PLCB1: variants seen among roughly 807,000 people sequenced by gnomAD.
PLCB1 encodes phospholipase C beta 1.
A neutral mutation model predicts 161.8 loss-of-function variants in PLCB1; 46 were observed. That is an observed-to-expected ratio of 0.28 (90% CI 0.22 to 0.36). The LOEUF (loss-of-function observed/expected upper bound fraction) is 0.36. Ranked by LOEUF, PLCB1 falls within the 10% of genes least tolerant of loss-of-function variation. The pLI is 1.00. For missense variants in PLCB1, 1,016 were observed against 1,472.5 expected (o/e 0.69, Z 5.07); for synonymous variants, 517 against 503.7 (o/e 1.03, Z -0.35).
chr20:8,539,622 T>TTCTTTCTTTCTTTCCC (rs1361520276), intron 3 of PLCB1, among the ~76,000 whole-genome samples: 4 of 67,698 alleles, frequency 5.9e-5, no homozygotes, highest in African/African-American at 3.2e-4. Flanking sequence ...TTTATTTTCT[T>TTCTTTCTTTCTTTCCC]TCTTTCTTTC....
chr20:8,717,918 T>C lies in PLCB1; in HGVS notation c.1513+70T>C, dbSNP rs6039243. 939,406 of 1,420,082 alleles carry C rather than the reference T, an allele frequency of 0.66. 312,323 individuals are homozygous for C. The highest frequency in any genetic ancestry group is 0.72 in the South Asian group (50,244 of 69,756). 88.0% of individuals were successfully genotyped at this position (1,420,082 alleles called of 1,614,324 possible). On this transcript the variant is annotated intron_variant, in intron 14 of 31. Coordinates refer to ENST00000338037, the MANE Select transcript of PLCB1 (RefSeq NM_015192.4). ...AAGAATTGCTGCTCTGGGCTGTGCG[T>C]GGTGGCTCATGCCTGTAATACTACT...
intron 3 of PLCB1, among the ~76,000 whole-genome samples, chr20:8,612,016 T>C (rs1039568681): frequency 1.3e-5 from 2 of 152,128 alleles, no homozygotes; most frequent in Non-Finnish European, 2.9e-5. Flanking sequence ...CCAACTAGCT[T>C]TTAAGGAAGT....
chr20:8,343,621 G>T (rs1368495677), intron 2 of PLCB1, among the ~76,000 whole-genome samples: 2 of 152,138 alleles, frequency 1.3e-5, no homozygotes, highest in East Asian at 3.8e-4. Context: ...GGATCATTTA[G>T]TATACTTCCA....
At chr20:8,664,206 A>G (rs966630070) in intron 9 of PLCB1, among the ~76,000 whole-genome samples, 11 of 152,162 alleles carry the variant, frequency 7.2e-5, no homozygotes, top group Admixed American at 2.6e-4. Context: ...TCTTCCTCCT[A>G]AATTTTTATA....
chr20:8,248,506 A>G (rs1980991851), intron 2 of PLCB1, among the ~76,000 whole-genome samples: 1 of 151,890 alleles, frequency 6.6e-6, no homozygotes, highest in South Asian at 2.1e-4. Flanking sequence ...GACCCTGCAA[A>G]AGGGACAGAG....
chr20:8,326,954 T>G (rs569680838), intron 2 of PLCB1, among the ~76,000 whole-genome samples: 1 of 152,340 alleles, frequency 6.6e-6, no homozygotes, highest in Non-Finnish European at 1.5e-5. Flanking sequence ...GGCACAATCA[T>G]GATTCACTGT....
At chr20:8,404,225 A>C (rs1393436129) in intron 3 of PLCB1, among the ~76,000 whole-genome samples, 1 of 152,122 alleles carries the variant, frequency 6.6e-6, no homozygotes, top group Non-Finnish European at 1.5e-5. Flanking sequence ...GAGTTAACTG[A>C]CCTATGTTTT....
At chr20:8,863,983 A>G (rs1441226639) in intron 31 of PLCB1, among the ~76,000 whole-genome samples, 1 of 152,180 alleles carries the variant, frequency 6.6e-6, no homozygotes. Flanking sequence ...TATGCACATG[A>G]TTATCTTTTC....
At position 8,808,426 on chromosome 20, in the gene PLCB1, C is replaced by T. The variant is rs148493689; in HGVS notation, c.3423+18165C>T. Among the ~76,000 whole-genome samples, 150 of 152,242 alleles carry T rather than the reference C, an allele frequency of 9.9e-4. 6 individuals carry two copies. In the East Asian group the frequency reaches 0.027, roughly 27 times the overall value. On this transcript the variant is annotated intron_variant, in intron 31 of 31. Coordinates refer to ENST00000338037, the MANE Select transcript of PLCB1 (RefSeq NM_015192.4). ...TATAAGGACACCAGCCCCATCAGATCAGGGACCTACTCATAGGAGCTCATT... is the reference window on the plus strand; with the variant it reads ...TATAAGGACACCAGCCCCATCAGATTAGGGACCTACTCATAGGAGCTCATT...
intron 31 of PLCB1, among the ~76,000 whole-genome samples, chr20:8,791,777 G>A (rs928434568): frequency 6.6e-6 from 1 of 151,938 alleles, no homozygotes; most frequent in Non-Finnish European, 1.5e-5. Context: ...AGATTTTCTT[G>A]TTACTGCTCT....
chr20:8,587,480 T>C (rs1209170168), intron 3 of PLCB1, among the ~76,000 whole-genome samples: 1 of 152,168 alleles, frequency 6.6e-6, no homozygotes, highest in Admixed American at 6.5e-5. Context: ...GGGGACTTCA[T>C]GTCATTCCAA....
rs368967370 is a variant in PLCB1, at chr20:8,684,994, C to T, written c.925C>T (p.Pro309Ser). 6.2e-7 allele frequency: 1 copy of T among 1,613,244 alleles called. No individual in the cohort carries two copies. ...LSGEENGVVS[P>S]EKLDLNEDMS... Reference sequence around the variant, plus strand: ...TGGAGAAGAAAACGGAGTCGTTTCACCTGAGAAACTGGATTTGAATGAAGA... The same window carrying T: ...TGGAGAAGAAAACGGAGTCGTTTCATCTGAGAAACTGGATTTGAATGAAGA... The change falls in exon 10 of 32, where the codon CCT becomes TCT. Residue 309 changes from proline (P) to serine (S), a missense_variant. Transcript: ENST00000338037.
intron 3 of PLCB1, among the ~76,000 whole-genome samples, chr20:8,548,125 T>C (rs1022845721): frequency 1.3e-5 from 2 of 151,176 alleles, no homozygotes; most frequent in African/African-American, 4.9e-5. Flanking sequence ...TTCCTTTTCT[T>C]TTTTTCCATT....
chr20:8,850,111 C>T (rs1986838150), intron 31 of PLCB1, among the ~76,000 whole-genome samples: 1 of 152,222 alleles, frequency 6.6e-6, no homozygotes. Context: ...TAAATGTGCA[C>T]AGATTTCAAT....
chr20:8,610,883 T>G (rs910272458), intron 3 of PLCB1, among the ~76,000 whole-genome samples: 2 of 152,034 alleles, frequency 1.3e-5, no homozygotes, highest in Non-Finnish European at 2.9e-5. Context: ...GATTTTTGCA[T>G]ATAGTGTGAG....
chr20:8,835,988 GC>G (rs1437902033), intron 31 of PLCB1, among the ~76,000 whole-genome samples: 1 of 152,062 alleles, frequency 6.6e-6, no homozygotes, highest in African/African-American at 2.4e-5. Context: ...TCTGTGTTCA[GC>G]TAGCAGATCA....
At chr20:8,601,191 C>T (rs879658169) in intron 3 of PLCB1, among the ~76,000 whole-genome samples, 21 of 152,102 alleles carry the variant, frequency 1.4e-4, no homozygotes, top group Non-Finnish European at 2.1e-4. Flanking sequence ...CCTAAACATG[C>T]CAAAGAAGTA....
chr20:8,809,177 T>G (rs1984688318), intron 31 of PLCB1, among the ~76,000 whole-genome samples: 1 of 152,046 alleles, frequency 6.6e-6, no homozygotes, highest in Non-Finnish European at 1.5e-5. Context: ...TTTTTTTTTA[T>G]TTTTAGTTTT....
At chr20:8,590,857 C>T (rs1295124579) in intron 3 of PLCB1, among the ~76,000 whole-genome samples, 5 of 152,000 alleles carry the variant, frequency 3.3e-5, no homozygotes, top group African/African-American at 7.3e-5. Flanking sequence ...ATGTGCAGGA[C>T]GTGCAGGTTT....
Sources: gnomAD v4.1 joint callset for allele counts (sites outside exome capture counted in the v4.1 genomes callset) on GRCh38, gnomAD v4.1.1 for gene constraint, MANE v1.5 for transcripts, NCBI Gene and HGNC (gene_info 2026-07-23, HGNC 2026-07-21) for gene names.